Variants in NTNG1 observed in about 807,000 individuals in gnomAD.
The protein encoded by NTNG1 is netrin G1.
A neutral mutation model predicts 54.0 loss-of-function variants in NTNG1; 16 were observed. That is an observed-to-expected ratio of 0.30 (90% confidence interval 0.20 to 0.45). The LOEUF is 0.45. Among genes scored for constraint, NTNG1 ranks in the 20% least tolerant of loss-of-function variants. NTNG1 has a pLI of 1.00. For missense variants in NTNG1, 530 were observed against 678.7 expected, an observed-to-expected ratio of 0.78 and a Z score of 2.43; for synonymous variants, 255 against 263.1, an observed-to-expected ratio of 0.97 and a Z score of 0.30.
intron 3 of NTNG1, among the ~76,000 whole-genome samples, chr1:107,373,794 G>A (rs1671070158): frequency 6.6e-6 from 1 of 151,880 alleles, no homozygotes; most frequent in Non-Finnish European, 1.5e-5. Flanking sequence ...AACATCCTGG[G>A]TTCAAGCAAT....
At chr1:107,206,832 T>C (rs777352877) in intron 2 of NTNG1, among the ~76,000 whole-genome samples, 12 of 152,252 alleles carry the variant, frequency 7.9e-5, no homozygotes, top group South Asian at 6.2e-4. Flanking sequence ...ATTTAGACCA[T>C]GGGCCGGCCT....
intron 2 of NTNG1, among the ~76,000 whole-genome samples, chr1:107,163,652 A>G (rs1655566974): frequency 6.6e-6 from 1 of 152,220 alleles, no homozygotes; most frequent in Admixed American, 6.5e-5. Flanking sequence ...GTGTATTCTA[A>G]ATAACACAGA....
intron 7 of NTNG1, among the ~76,000 whole-genome samples, chr1:107,442,401 A>G (rs926702246): frequency 1.3e-5 from 2 of 152,214 alleles, no homozygotes; most frequent in Non-Finnish European, 2.9e-5. Context: ...ATTGTTCCCA[A>G]TAGACTACCT....
intron 2 of NTNG1, among the ~76,000 whole-genome samples, chr1:107,192,578 A>C (rs559301478): frequency 6.6e-6 from 1 of 152,126 alleles, no homozygotes; most frequent in Admixed American, 6.6e-5. Context: ...CCCTAGGGAC[A>C]CATGTATTTG....
At chr1:107,187,393 A>G (rs1657543699) in intron 2 of NTNG1, among the ~76,000 whole-genome samples, 2 of 152,178 alleles carry the variant, frequency 1.3e-5, no homozygotes, top group Non-Finnish European at 1.5e-5. Flanking sequence ...TAAAATTTCC[A>G]TACTCTTACC....
chr1:107,403,098 T>C (rs1226368894), intron 4 of NTNG1, among the ~76,000 whole-genome samples: 3 of 152,180 alleles, frequency 2.0e-5, no homozygotes, highest in African/African-American at 7.2e-5. Flanking sequence ...ATTTACTTGG[T>C]TGGGGGAGTA....
At chr1:107,200,631 T>C (rs539947812) in intron 2 of NTNG1, among the ~76,000 whole-genome samples, 92 of 151,918 alleles carry the variant, frequency 6.1e-4, no homozygotes, top group Middle Eastern at 3.4e-3. Context: ...TCAAAGCCTT[T>C]TTAAAATGAA....
In NTNG1 at chr1:107,341,708, G is replaced by C. The variant is rs539961037; in HGVS notation, c.887+16786G>C. On this transcript the variant is annotated intron_variant, in intron 3 of 7. Coordinates refer to ENST00000370068, the MANE Select transcript of NTNG1 (RefSeq NM_001113226.3). ...ATTGTAATATCCATTGACCCTGTTGGTCAGCACAAAAAAGGAGAATATGTT... is the reference window on the plus strand; with the variant it reads ...ATTGTAATATCCATTGACCCTGTTGCTCAGCACAAAAAAGGAGAATATGTT... Among the ~76,000 whole-genome samples the C allele has an allele frequency of 9.2e-5, 14 of 152,136 alleles. 1 individual carries two copies. The East Asian group carries it at 1.9e-3, about 21-fold the overall frequency.
At chr1:107,406,916 G>T (rs1257713264) in intron 4 of NTNG1, among the ~76,000 whole-genome samples, 1 of 152,088 alleles carries the variant, frequency 6.6e-6, no homozygotes, top group African/African-American at 2.4e-5. Flanking sequence ...CAGACTATTG[G>T]CCACAGCACT....
intron 4 of NTNG1, among the ~76,000 whole-genome samples, chr1:107,403,279 A>G (rs1156279461): frequency 6.6e-6 from 1 of 152,222 alleles, no homozygotes; most frequent in Non-Finnish European, 1.5e-5. Flanking sequence ...GTGCTTTCTC[A>G]TTTTTTCAGC....
chr1:107,199,517 TA>T (rs1658578825), intron 2 of NTNG1, among the ~76,000 whole-genome samples: 1 of 151,920 alleles, frequency 6.6e-6, no homozygotes, highest in Non-Finnish European at 1.5e-5. Flanking sequence ...TAATACTAAG[TA>T]TTATCTCAAT....
At chr1:107,422,842 A>G (rs562770037) in intron 5 of NTNG1, among the ~76,000 whole-genome samples, 7 of 152,268 alleles carry the variant, frequency 4.6e-5, no homozygotes, top group Admixed American at 3.9e-4. Context: ...TGCCACATTC[A>G]TTGTATTTTA....
At chr1:107,314,443 AT>A (rs200467106) in intron 2 of NTNG1, among the ~76,000 whole-genome samples, 2,580 of 115,320 alleles carry the variant, frequency 0.022, 89 homozygotes, top group African/African-American at 0.078. Flanking sequence ...AAATAAATAA[AT>A]AAAAATGAGA....
intron 3 of NTNG1, among the ~76,000 whole-genome samples, chr1:107,361,463 C>G (rs1670301052): frequency 6.9e-6 from 1 of 145,960 alleles, no homozygotes; most frequent in Admixed American, 7.1e-5. Flanking sequence ...GATCTCAGCT[C>G]ACTGCAACCT....
intron 2 of NTNG1, among the ~76,000 whole-genome samples, chr1:107,237,497 T>A (rs1661491557): frequency 6.6e-6 from 1 of 152,090 alleles, no homozygotes; most frequent in African/African-American, 2.4e-5. Flanking sequence ...CAAATGTTAA[T>A]CCCCAAGACA....
At chr1:107,303,814 G>A (rs1376978432) in intron 2 of NTNG1, among the ~76,000 whole-genome samples, 1 of 152,086 alleles carries the variant, frequency 6.6e-6, no homozygotes, top group Non-Finnish European at 1.5e-5. Context: ...AGTCTCCGGA[G>A]TAGCTGGGAC....
chr1:107,281,415 G>T (rs12026973), intron 2 of NTNG1, among the ~76,000 whole-genome samples: 26,818 of 151,746 alleles, frequency 0.18, 2,731 homozygotes, highest in East Asian at 0.38. Context: ...AAATGAATTT[G>T]TTTGATTTTG....
chr1:107,347,338 C>T (rs1298951719), intron 3 of NTNG1, among the ~76,000 whole-genome samples: 1 of 152,004 alleles, frequency 6.6e-6, no homozygotes, highest in Non-Finnish European at 1.5e-5. Flanking sequence ...TATAATGAGA[C>T]CCCCGTATCT....
In NTNG1 at chr1:107,141,656, A is replaced by G. The variant is rs1196819191; in HGVS notation, c.-526+516A>G. 3.9e-5 allele frequency among the ~76,000 whole-genome samples: 6 copies of G among 152,114 alleles called. No individual in the cohort carries two copies. The East Asian group carries it at 1.2e-3, about 30-fold the overall frequency. ...CGCGCGGAGCCCTACGCGCACACAC[A>G]GCGGCACACGCTCACACCCACACAC... On this transcript the variant is annotated intron_variant, in intron 1 of 7. Transcript: ENST00000370068.
Sources: gnomAD v4.1 joint callset for allele counts (sites outside exome capture counted in the v4.1 genomes callset) on GRCh38, gnomAD v4.1.1 for gene constraint, MANE v1.5 for transcripts, NCBI Gene and HGNC (gene_info 2026-07-23, HGNC 2026-07-21) for gene names.